Variants in THSD7A observed in about 807,000 individuals in gnomAD.
THSD7A encodes thrombospondin type 1 domain containing 7A, also known as thrombospondin type-1 domain-containing protein 7A.
A neutral mutation model predicts 231.3 loss-of-function variants in THSD7A; 96 were observed. The ratio of observed to expected loss-of-function variants is 0.41; its 90% CI spans 0.35 to 0.49. The LOEUF is 0.49. Ranked by LOEUF, THSD7A falls within the 20% of genes least tolerant of loss-of-function variation. The probability of loss-of-function intolerance (pLI) is 0.05; values close to 1 mark genes in which losing one functional copy is unlikely to be tolerated. For synonymous variants in THSD7A, 940 were observed against 743.3 expected, an observed-to-expected ratio of 1.26 and a Z score of -4.30; for missense variants, 2,290 against 2,070.2, an observed-to-expected ratio of 1.11 and a Z score of -2.06.
At chr7:11,829,363 C>T (rs910412200) in intron 1 of THSD7A, among the ~76,000 whole-genome samples, 3 of 151,996 alleles carry the variant, frequency 2.0e-5, no homozygotes, top group Admixed American at 6.6e-5. Flanking sequence ...TAAAAAGGCC[C>T]TTAGATATCA....
intron 6 of THSD7A, among the ~76,000 whole-genome samples, chr7:11,510,455 G>A (rs1583876789): frequency 6.6e-6 from 1 of 152,106 alleles, no homozygotes; most frequent in African/African-American, 2.4e-5. Flanking sequence ...ACCAAAGCCT[G>A]GCAGACACAC....
At chr7:11,777,877 C>T (rs1344694123) in intron 1 of THSD7A, among the ~76,000 whole-genome samples, 1 of 151,544 alleles carries the variant, frequency 6.6e-6, no homozygotes, top group Non-Finnish European at 1.5e-5. Context: ...TGGCCGGGAG[C>T]GGTGGCTCAC....
chr7:11,423,370 A>ATTTT (rs757122867), intron 16 of THSD7A, among the ~76,000 whole-genome samples: 2,996 of 136,168 alleles, frequency 0.022, 105 homozygotes, highest in African/African-American at 0.049. Flanking sequence ...CGAGTGCTGG[A>ATTTT]TTTTTTTTTT....
chr7:11,669,507 T>C (rs1308669120), intron 1 of THSD7A, among the ~76,000 whole-genome samples: 2 of 151,912 alleles, frequency 1.3e-5, no homozygotes, highest in African/African-American at 4.8e-5. Flanking sequence ...GCATAAAGTG[T>C]GAAGAGAATT....
intron 1 of THSD7A, among the ~76,000 whole-genome samples, chr7:11,642,829 G>A (rs1725450): frequency 0.15 from 23,203 of 151,960 alleles, 1,896 homozygotes; most frequent in Admixed American, 0.21. Context: ...ATTTTATAAT[G>A]TGCCTATCCT....
chr7:11,682,335 C>T (rs1449609823), intron 1 of THSD7A, among the ~76,000 whole-genome samples: 1 of 152,038 alleles, frequency 6.6e-6, no homozygotes, highest in East Asian at 1.9e-4. Flanking sequence ...AAAAAGTTAA[C>T]CTTCTGCTAT....
Position 11,474,626 on chromosome 7 carries a change from ACT to A in THSD7A, c.2018-60_2018-59del. 7.3e-7 allele frequency: 1 copy of A among 1,371,854 alleles called. No homozygotes were observed. Among genetic ancestry groups the A allele is most frequent in the Non-Finnish European group, 1.0e-6 (1 of 1,001,674 alleles). The allele number at this position is 1,371,854 out of a possible 1,614,324, so 85.0% of individuals were successfully genotyped here. On this transcript the variant is annotated intron_variant, in intron 7 of 27. Transcript: ENST00000423059. This position sits in a 1 kb window ranked among gnomAD's most constrained non-coding sequence, Gnocchi z 4.1. Reference sequence around the variant, plus strand: ...ACGGTGCCAACAGGAACCTTACCATACTCTGTTCTTTGGAATTAACATGGCTT... The same window carrying A: ...ACGGTGCCAACAGGAACCTTACCATACTGTTCTTTGGAATTAACATGGCTT...
intron 6 of THSD7A, among the ~76,000 whole-genome samples, chr7:11,502,231 C>T (rs1316261015): frequency 6.6e-6 from 1 of 152,134 alleles, no homozygotes; most frequent in African/African-American, 2.4e-5. Context: ...GGTATCATTC[C>T]TACAGAAACT....
intron 4 of THSD7A, among the ~76,000 whole-genome samples, chr7:11,568,916 G>A (rs1790497318): frequency 1.3e-5 from 2 of 150,942 alleles, no homozygotes; most frequent in Non-Finnish European, 2.9e-5. Flanking sequence ...AAAAATTGAT[G>A]GCTTTTCTAT....
rs58931693 is a variant in THSD7A at position 11,780,997 on chromosome 7, CAAAAAAAAAAAAAAAAAAAAAAAA to C, written c.190+50736_190+50759del. ...TGGGCGACAGAGCGAGACTCCGTCT[CAAAAAAAAAAAAAAAAAAAAAAAA>C]AAAAAAAAAAAAAAAAATTTATAGG... On this transcript the variant is annotated intron_variant, in intron 1 of 27. Transcript: ENST00000423059. Among the ~76,000 whole-genome samples the C allele has an allele frequency of 1.2e-3, 42 of 34,450 alleles. No homozygotes were observed. The South Asian group carries it at 0.017, about 14-fold the overall frequency. The allele number at this position is 34,450 out of a possible 152,430, so 22.6% of individuals were successfully genotyped here. A position where few individuals can be genotyped will look rare whatever the true frequency, so the allele number is the denominator to read the frequency against.
intron 1 of THSD7A, among the ~76,000 whole-genome samples, chr7:11,709,831 T>G (rs1780891629): frequency 6.6e-6 from 1 of 150,804 alleles, no homozygotes; most frequent in African/African-American, 2.4e-5. Flanking sequence ...TTCCTGCCAG[T>G]TAAAGCCTGC....
chr7:11,377,932 C>A lies in THSD7A; in HGVS notation c.4801+1138G>T, dbSNP rs1201956495. 1 of 151,738 alleles carries A rather than the reference C, an allele frequency of 6.6e-6. No individual in the cohort carries two copies. The highest frequency in any genetic ancestry group is 1.5e-5 in the Non-Finnish European group (1 of 67,952). The allele number at this position is 151,738 out of a possible 1,614,324, so 9.4% of individuals were successfully genotyped here. On this transcript the variant is annotated intron_variant, in intron 26 of 27. Coordinates refer to ENST00000423059, the MANE Select transcript of THSD7A (RefSeq NM_015204.3). This position sits in a 1 kb window ranked among gnomAD's most constrained non-coding sequence, Gnocchi z 4.5. ...CAATTCTTAGTGAAGGTCAAAATTG[C>A]TACTGGTTGTCTGCTAGTCCATTGT...
chr7:11,546,223 C>CACACACACACACACACACACAA lies in THSD7A; in HGVS notation c.1454-3107_1454-3106insTTGTGTGTGTGTGTGTGTGTGT, dbSNP rs371554481. Among the ~76,000 whole-genome samples, 388 of 148,810 alleles carry CACACACACACACACACACACAA rather than the reference C, an allele frequency of 2.6e-3. 5 individuals carry two copies. The highest frequency in any genetic ancestry group is 8.9e-3 in the African/African-American group (358 of 40,262). On this transcript the variant is annotated intron_variant, in intron 4 of 27. Transcript: ENST00000423059. Reference sequence around the variant, plus strand: ...GCGCGCTCACACACACACACACACACACACACACGTGGACCCTGCCACACT... The same window carrying CACACACACACACACACACACAA: ...GCGCGCTCACACACACACACACACACACACACACACACACACACACAAACACACACGTGGACCCTGCCACACT...
rs139736712 is a variant in THSD7A at position 11,799,168 on chromosome 7, G to A, written c.190+32589C>T. Among the ~76,000 whole-genome samples the A allele has an allele frequency of 9.4e-3, 1,433 of 152,092 alleles. 22 individuals are homozygous for A. The highest frequency in any genetic ancestry group is 0.033 in the African/African-American group (1,356 of 41,502). On this transcript the variant is annotated intron_variant, in intron 1 of 27. Coordinates refer to ENST00000423059, the MANE Select transcript of THSD7A (RefSeq NM_015204.3). Reference sequence around the variant, plus strand: ...GATCTCTTGACCTCATGATCCACCCGCCTTGGCCTCTCAAAGTGCTGGGAT... The same window carrying A: ...GATCTCTTGACCTCATGATCCACCCACCTTGGCCTCTCAAAGTGCTGGGAT...
In THSD7A at chr7:11,379,128, T is replaced by C. The variant is rs765440354; in HGVS notation, c.4743A>G (p.Gln1581=). 1 of 1,613,532 alleles carries C rather than the reference T, an allele frequency of 6.2e-7. No homozygotes were observed. Among genetic ancestry groups the C allele is most frequent in the South Asian group, 1.1e-5 (1 of 91,068 alleles). Residue 1581 remains glutamine (Q), a synonymous_variant, in exon 26 of 28, where the codon CAA becomes CAG. Transcript: ENST00000423059. ...CCCGTCCTGCTGGGTTACTGGAGGGTTGGGTTGGATGTACAGCCCGACTGG... is the reference window on the plus strand; with the variant it reads ...CCCGTCCTGCTGGGTTACTGGAGGGCTGGGTTGGATGTACAGCCCGACTGG... The part of the protein sequence containing the change: ...VKTSRAVHPT[Q]PSSNPAGRGR...
intron 3 of THSD7A, among the ~76,000 whole-genome samples, chr7:11,591,209 G>A (rs1473391682): frequency 7.0e-6 from 1 of 143,312 alleles, no homozygotes; most frequent in Non-Finnish European, 1.5e-5. Context: ...GCGGATGCAT[G>A]ATGCAAAGAG....
chr7:11,477,293 A>G (rs1786232113), intron 7 of THSD7A, among the ~76,000 whole-genome samples: 1 of 152,204 alleles, frequency 6.6e-6, no homozygotes, highest in South Asian at 2.1e-4. Flanking sequence ...ATGTCTTCCA[A>G]TTAGAGTTTA....
chr7:11,454,399 A>G (rs1785238262), intron 11 of THSD7A, among the ~76,000 whole-genome samples: 1 of 151,880 alleles, frequency 6.6e-6, no homozygotes, highest in Non-Finnish European at 1.5e-5. Context: ...AAAAAGAAAA[A>G]CAAAACTATC....
chr7:11,557,639 T>C (rs1365499921), intron 4 of THSD7A, among the ~76,000 whole-genome samples: 3 of 152,146 alleles, frequency 2.0e-5, no homozygotes, highest in Non-Finnish European at 4.4e-5. Flanking sequence ...AGGGTGTATG[T>C]ATGCCACATT....
Sources: allele counts gnomAD v4.1 joint callset (sites outside exome capture counted in the v4.1 genomes callset), GRCh38; gene constraint gnomAD v4.1.1; non-coding constraint Gnocchi (gnomAD v3.1); transcripts MANE v1.5; gene names NCBI Gene and HGNC (gene_info 2026-07-23, HGNC 2026-07-21).